The following SGMS1 variants were observed in gnomAD, a reference collection of about 807,000 sequenced individuals.
SGMS1 encodes the protein sphingomyelin synthase 1.
In SGMS1, 13 loss-of-function variants were observed where a neutral mutation model predicts 46.2. That is an observed-to-expected ratio of 0.28 (90% CI 0.18 to 0.45). The LOEUF is 0.45. Ranked by LOEUF, SGMS1 falls within the 20% of genes least tolerant of loss-of-function variation. The pLI is 1.00. For synonymous variants in SGMS1, 203 were observed against 187.8 expected (o/e 1.08, Z -0.66); for missense variants, 324 against 519.9 (o/e 0.62, Z 3.66).
intron 7 of SGMS1, chr10:50,340,790 G>C (rs1054956120): frequency 6.6e-6 from 1 of 152,348 alleles, no homozygotes; most frequent in African/African-American, 2.4e-5. Context: ...TTATTGCTGG[G>C]AGTTTTTGGC....
intron 3 of SGMS1, among the ~76,000 whole-genome samples, chr10:50,517,346 GATTTAAGACAGAAATAAAGATTTTAGAA>G (rs1837815212): frequency 6.6e-6 from 1 of 152,030 alleles, no homozygotes; most frequent in East Asian, 1.9e-4. Context: ...TACTCAGGCA[GATTTAAGACAGAAATAAAGATTTTAGAA>G]ATTTAAAAAA....
chr10:50,510,215 G>T (rs1837741749), intron 3 of SGMS1, among the ~76,000 whole-genome samples: 1 of 152,174 alleles, frequency 6.6e-6, no homozygotes, highest in African/African-American at 2.4e-5. Context: ...CAGCCAAATA[G>T]TTGTGTTGTT....
chr10:50,612,053 CCCA>C (rs1424172491), intron 1 of SGMS1, among the ~76,000 whole-genome samples: 1 of 152,246 alleles, frequency 6.6e-6, no homozygotes, highest in Non-Finnish European at 1.5e-5. Flanking sequence ...GCTAGCCCTC[CCCA>C]CCACTTCCTT....
chr10:50,314,422 C>A (rs191551103), intron 8 of SGMS1, among the ~76,000 whole-genome samples: 1 of 152,198 alleles, frequency 6.6e-6, no homozygotes, highest in East Asian at 1.9e-4. Context: ...TACAGCTGAA[C>A]CATTCTAAGC....
At chr10:50,324,995 C>G (rs183702811) in intron 8 of SGMS1, among the ~76,000 whole-genome samples, 1 of 152,286 alleles carries the variant, frequency 6.6e-6, no homozygotes, top group East Asian at 1.9e-4. Context: ...TTAAGACAAT[C>G]AGGATATCGC....
rs553497742 is a variant in SGMS1 at position 50,468,948 on chromosome 10, C to A, written c.-497-2016G>T. Among the ~76,000 whole-genome samples the A allele has an allele frequency of 3.9e-5, 6 of 152,276 alleles. No individual in the cohort carries two copies. In the East Asian group the frequency reaches 1.2e-3, roughly 29 times the overall value. On this transcript the variant is annotated intron_variant, in intron 3 of 10. Transcript: ENST00000361781. ...CATCATGATATGCCTTTACACTTAA[C>A]CCCACAAGAACCCTATGTGTGTGTG... is the stretch of plus-strand genomic sequence containing the variant.
intron 3 of SGMS1, among the ~76,000 whole-genome samples, chr10:50,486,382 A>G (rs1462619609): frequency 2.0e-5 from 3 of 152,334 alleles, no homozygotes; most frequent in South Asian, 2.1e-4. Flanking sequence ...CAGACAACCT[A>G]CGGAACGGGA....
rs201994697 is a variant in SGMS1 at position 50,343,437 on chromosome 10, T to C, written c.623+55A>G. Reference sequence around the variant, plus strand: ...ATTTCATTTATAAATAATAAGTAGATGTTTGGAGTGCAAATCCCATAATCA... The same window carrying C: ...ATTTCATTTATAAATAATAAGTAGACGTTTGGAGTGCAAATCCCATAATCA... On this transcript the variant is annotated intron_variant, in intron 7 of 10. Coordinates refer to ENST00000361781, the MANE Select transcript of SGMS1 (RefSeq NM_147156.4). The C allele has an allele frequency of 1.1e-4, 158 of 1,483,080 alleles. 2 individuals are homozygous for C. The Middle Eastern group carries it at 2.5e-3, about 24-fold the overall frequency. The allele number at this position is 1,483,080 out of a possible 1,614,324, so 91.9% of individuals were successfully genotyped here.
At chr10:50,520,282 C>T (rs1029691656) in intron 2 of SGMS1, among the ~76,000 whole-genome samples, 1 of 151,912 alleles carries the variant, frequency 6.6e-6, no homozygotes, top group Non-Finnish European at 1.5e-5. Flanking sequence ...ACCAGCTACT[C>T]GGTAGGCTCA....
intron 2 of SGMS1, among the ~76,000 whole-genome samples, chr10:50,531,706 G>A (rs1228662809): frequency 6.6e-6 from 1 of 152,128 alleles, no homozygotes; most frequent in African/African-American, 2.4e-5. Flanking sequence ...CTCTGCTGCG[G>A]CAAGTTGCCC....
At chr10:50,595,752 G>A (rs1198894168) in intron 1 of SGMS1, among the ~76,000 whole-genome samples, 5 of 152,142 alleles carry the variant, frequency 3.3e-5, no homozygotes, top group African/African-American at 4.8e-5. Flanking sequence ...CCCCATGAAG[G>A]AAACAGATGC....
At chr10:50,554,348 G>T (rs555736712) in intron 2 of SGMS1, among the ~76,000 whole-genome samples, 4 of 152,028 alleles carry the variant, frequency 2.6e-5, no homozygotes, top group African/African-American at 9.7e-5. Flanking sequence ...CCTCATTAAG[G>T]CCTACTAATT....
chr10:50,320,927 G>C (rs1387236382), intron 8 of SGMS1, among the ~76,000 whole-genome samples: 3 of 152,222 alleles, frequency 2.0e-5, no homozygotes, highest in Non-Finnish European at 4.4e-5. Context: ...GGGATCTGGG[G>C]ATTACATTTC....
At chr10:50,436,719 A>G (rs563482597) in intron 5 of SGMS1, among the ~76,000 whole-genome samples, 2 of 152,326 alleles carry the variant, frequency 1.3e-5, no homozygotes, top group South Asian at 4.1e-4. Flanking sequence ...GTGGAAGAAG[A>G]CTGGCTGGCA....
chr10:50,355,484 G>A (rs1016751749), intron 6 of SGMS1, among the ~76,000 whole-genome samples: 12 of 152,178 alleles, frequency 7.9e-5, no homozygotes, highest in Admixed American at 1.3e-4. Flanking sequence ...CGTGTTGGCC[G>A]GGCTGGTCTC....
At chr10:50,453,555 T>A (rs1837139024) in intron 5 of SGMS1, among the ~76,000 whole-genome samples, 3 of 150,682 alleles carry the variant, frequency 2.0e-5, no homozygotes, top group Admixed American at 1.3e-4. Context: ...AATTTTAACA[T>A]AAAGAAGATG....
At chr10:50,420,911 C>T (rs1031546114) in intron 6 of SGMS1, among the ~76,000 whole-genome samples, 2 of 152,162 alleles carry the variant, frequency 1.3e-5, no homozygotes, top group African/African-American at 2.4e-5. Context: ...CCAAGCTTAA[C>T]ATTCAGAGTA....
At chr10:50,562,360 G>A (rs1228863556) in intron 2 of SGMS1, among the ~76,000 whole-genome samples, 2 of 119,320 alleles carry the variant, frequency 1.7e-5, no homozygotes, top group Non-Finnish European at 1.8e-5. Context: ...GTGTGTGCGC[G>A]CGCGCACACA....
At chr10:50,316,522 G>A (rs556004654) in intron 8 of SGMS1, among the ~76,000 whole-genome samples, 13 of 152,222 alleles carry the variant, frequency 8.5e-5, no homozygotes, top group Middle Eastern at 3.4e-3. Context: ...TACATACAAA[G>A]GAACTTTTCC....
Sources: allele counts gnomAD v4.1 joint callset (sites outside exome capture counted in the v4.1 genomes callset), GRCh38; gene constraint gnomAD v4.1.1; transcripts MANE v1.5; gene names NCBI Gene and HGNC (gene_info 2026-07-23, HGNC 2026-07-21).